The following ZNF215 variants were observed in gnomAD, a reference collection of about 807,000 sequenced individuals.
ZNF215 encodes zinc finger protein 215.
In ZNF215, 24 loss-of-function variants were observed where a neutral mutation model predicts 27.2. The ratio of observed to expected loss-of-function variants is 0.88; its 90% CI spans 0.64 to 1.24. The LOEUF is 1.24. ZNF215 is among the 50% of genes most tolerant of loss of function. The pLI is 0.00. For synonymous variants in ZNF215, 210 were observed against 204.0 expected, an observed-to-expected ratio of 1.03 and a Z score of -0.25; for missense variants, 675 against 605.7, an observed-to-expected ratio of 1.11 and a Z score of -1.20.
In ZNF215 at chr11:6,955,846, T is replaced by A. The variant is rs775737751; in HGVS notation, c.869T>A (p.Ile290Asn). 5 of 1,613,264 alleles carry A rather than the reference T, an allele frequency of 3.1e-6. No homozygotes were observed. The African/African-American group carries it at 6.7e-5, about 22-fold the overall frequency. The change falls in exon 7 of 7, where the codon ATT (isoleucine) becomes AAT (asparagine). Residue 290 changes from isoleucine (I) to asparagine (N), a missense_variant. Transcript: ENST00000278319. ...ATAAATTTGCCACAAGAGGCTTTCA[T>A]TCCTGAGACAATTTACACTGAGGAG... ...WDINLPQEAF[I>N]PETIYTEEED...
At chr11:6,981,754 A>T (rs1443240209) in intron 5 of ZNF215, among the ~76,000 whole-genome samples, 1 of 152,174 alleles carries the variant, frequency 6.6e-6, no homozygotes, top group Non-Finnish European at 1.5e-5. Context: ...CTAACGTTTA[A>T]GTCTTTAATC....
chr11:6,954,583 C>T (rs949660786), intron 6 of ZNF215, among the ~76,000 whole-genome samples: 24 of 152,190 alleles, frequency 1.6e-4, no homozygotes, highest in Admixed American at 9.2e-4. Context: ...TTAAGCCTGT[C>T]GGGAAAGCGC....
chr11:6,932,795 A>T, intron 3 of ZNF215, 123 bp downstream of exon 3: 3 of 910,388 alleles, frequency 3.3e-6, no homozygotes, highest in Non-Finnish European at 4.8e-6. Context: ...TTACTCTATT[A>T]GGAAGCCTTG....
chr11:6,942,245 GA>G (rs979524395), intron 4 of ZNF215, among the ~76,000 whole-genome samples: 1 of 152,110 alleles, frequency 6.6e-6, no homozygotes, highest in African/African-American at 2.4e-5. Context: ...TGAAGGAGAG[GA>G]AAGGAAGATG....
At chr11:6,943,667 A>G (rs1315656849) in intron 6 of ZNF215, 26 bp downstream of exon 6, 11 of 1,536,714 alleles carry the variant, frequency 7.2e-6, no homozygotes, top group Non-Finnish European at 7.2e-6. Context: ...ATATGAGGCC[A>G]TAGTAAGAAG....
chr11:6,927,216 A>G (rs1849084403), intron 1 of ZNF215, among the ~76,000 whole-genome samples: 1 of 152,192 alleles, frequency 6.6e-6, no homozygotes, highest in Admixed American at 6.5e-5. Flanking sequence ...TTTCCCAGTC[A>G]TTCCTGGCCA....
At chr11:6,988,128 A>G, downstream of ZNF215, 1 of 941,614 alleles carries the variant, frequency 1.1e-6, no homozygotes, top group Non-Finnish European at 1.3e-6. Flanking sequence ...AGCAACAGCA[A>G]TTCATAATCA....
At chr11:6,958,912 C>A (rs1459509038), downstream of ZNF215, among the ~76,000 whole-genome samples, 1 of 152,240 alleles carries the variant, frequency 6.6e-6, no homozygotes, top group South Asian at 2.1e-4. Context: ...ATTTCTCCTG[C>A]CTTTTATTTT....
downstream of ZNF215, chr11:6,988,851 A>G (rs987610411): frequency 6.6e-6 from 1 of 152,194 alleles, no homozygotes; most frequent in Non-Finnish European, 1.5e-5. Flanking sequence ...TACCTGAGCT[A>G]TGTGATCCTA....
At chr11:6,950,067 G>T (rs1467777734) in intron 6 of ZNF215, among the ~76,000 whole-genome samples, 1 of 151,580 alleles carries the variant, frequency 6.6e-6, no homozygotes. Context: ...ATTTCTGAGG[G>T]CTCTGTTCTG....
At chr11:6,955,467 T>G (rs1475156801) in intron 6 of ZNF215, among the ~76,000 whole-genome samples, 1 of 152,186 alleles carries the variant, frequency 6.6e-6, no homozygotes, top group Admixed American at 6.5e-5. Context: ...CCTATACCGT[T>G]TTTTTAGTAT....
At chr11:6,961,265 G>A (rs185863169), downstream of ZNF215, among the ~76,000 whole-genome samples, 3 of 151,930 alleles carry the variant, frequency 2.0e-5, no homozygotes, top group African/African-American at 7.3e-5. Flanking sequence ...ATTTTTTTCT[G>A]TCAGGGTTAT....
At chr11:6,987,775 G>A (rs938648896), downstream of ZNF215, among the ~76,000 whole-genome samples, 1 of 152,086 alleles carries the variant, frequency 6.6e-6, no homozygotes, top group Non-Finnish European at 1.5e-5. Flanking sequence ...TTGTTCTTCT[G>A]CTATAAATCT....
intron 5 of ZNF215, among the ~76,000 whole-genome samples, chr11:6,979,097 T>C (rs1036635093): frequency 2.0e-5 from 3 of 152,064 alleles, no homozygotes; most frequent in African/African-American, 7.2e-5. Flanking sequence ...TGCCATGTAA[T>C]GGAATACAAA....
At chr11:6,962,958 C>T (rs547138454), downstream of ZNF215, among the ~76,000 whole-genome samples, 9 of 152,178 alleles carry the variant, frequency 5.9e-5, no homozygotes, top group South Asian at 1.9e-3. Context: ...GTCCTTGTTT[C>T]TGAAGGGCCC....
At chr11:6,951,084 C>T (rs1850036615) in intron 6 of ZNF215, among the ~76,000 whole-genome samples, 1 of 152,098 alleles carries the variant, frequency 6.6e-6, no homozygotes, top group Non-Finnish European at 1.5e-5. Context: ...GGATGAAGCC[C>T]ACTTGATCAT....
intron 5 of ZNF215, among the ~76,000 whole-genome samples, chr11:6,965,278 G>T (rs1156421118): frequency 6.6e-6 from 1 of 152,084 alleles, no homozygotes; most frequent in East Asian, 1.9e-4. Flanking sequence ...TTGTGTACCA[G>T]GTTGAAAATG....
At chr11:6,944,636 G>T (rs1849752390) in intron 6 of ZNF215, among the ~76,000 whole-genome samples, 1 of 151,982 alleles carries the variant, frequency 6.6e-6, no homozygotes, top group Admixed American at 6.5e-5. Flanking sequence ...GTTCTAGTAA[G>T]TGTAGAAAAA....
intron 5 of ZNF215, among the ~76,000 whole-genome samples, chr11:6,975,355 A>G (rs191562344): frequency 1.3e-4 from 20 of 152,092 alleles, no homozygotes; most frequent in Admixed American, 6.6e-4. Context: ...TAGGGTATCC[A>G]TCCCCTCAAG....
Sources: gnomAD v4.1 joint callset for allele counts (sites outside exome capture counted in the v4.1 genomes callset) on GRCh38, gnomAD v4.1.1 for gene constraint, MANE v1.5 for transcripts, NCBI Gene and HGNC (gene_info 2026-07-23, HGNC 2026-07-21) for gene names.